The following RALYL variants were observed in gnomAD, a reference collection of about 807,000 sequenced individuals.
The protein encoded by RALYL is RALY RNA binding protein like.
RALYL carries 29 observed loss-of-function variants against 35.1 expected under a neutral mutation model. The observed-to-expected ratio is 0.83, with a 90% CI of 0.61 to 1.13. The LOEUF (loss-of-function observed/expected upper bound fraction) is 1.13. Among genes scored for constraint, RALYL ranks in the 50% most tolerant of loss-of-function variants. The pLI is 0.00. For missense variants in RALYL, 359 were observed against 360.4 expected (o/e 1.00, Z 0.03); for synonymous variants, 120 against 127.6 (o/e 0.94, Z 0.40).
At chr8:84,197,899 C>A (rs116517067) in intron 1 of RALYL, among the ~76,000 whole-genome samples, 2 of 151,944 alleles carry the variant, frequency 1.3e-5, no homozygotes, top group South Asian at 4.1e-4. Flanking sequence ...TCCCATTAGG[C>A]GATAGCTTTA....
At chr8:84,404,386 T>C (rs1049682715) in intron 1 of RALYL, among the ~76,000 whole-genome samples, 1 of 151,850 alleles carries the variant, frequency 6.6e-6, no homozygotes, top group Admixed American at 6.6e-5. Context: ...CATGAAGGAG[T>C]GTTGAATTTT....
At chr8:84,259,797 A>G (rs1699943210) in intron 1 of RALYL, among the ~76,000 whole-genome samples, 1 of 152,158 alleles carries the variant, frequency 6.6e-6, no homozygotes, top group Non-Finnish European at 1.5e-5. Context: ...CTTAGTGCCT[A>G]AAAAAAGCAG....
chr8:84,224,066 G>A (rs903465899), intron 1 of RALYL, among the ~76,000 whole-genome samples: 2 of 152,032 alleles, frequency 1.3e-5, no homozygotes, highest in Admixed American at 1.3e-4. Flanking sequence ...CAATCCTTCT[G>A]TTTCTCTAAT....
At position 84,529,396 on chromosome 8, in the gene RALYL, C is replaced by A. The variant is rs766629532; in HGVS notation, c.75C>A (p.Ile25=). Residue 25 remains isoleucine (I), a synonymous_variant, in exon 2 of 9, where the codon ATC becomes ATA. Transcript: ENST00000521268. ...DPKSINSRVF[I]GNLNTAIVKK... is the part of the protein sequence containing the mutation. ...AGTCCATCAACTCCCGTGTTTTCATCGGCAATCTAAATACGGCAATTGTCA... is the reference window on the plus strand; with the variant it reads ...AGTCCATCAACTCCCGTGTTTTCATAGGCAATCTAAATACGGCAATTGTCA... The A allele has an allele frequency of 6.2e-7, 1 of 1,611,474 alleles. No individual in the cohort carries two copies. Among genetic ancestry groups the A allele is most frequent in the Admixed American group, 1.7e-5 (1 of 59,614 alleles).
chr8:84,807,539 G>T (rs1196195707), intron 4 of RALYL, among the ~76,000 whole-genome samples: 2 of 152,172 alleles, frequency 1.3e-5, no homozygotes, highest in Non-Finnish European at 2.9e-5. Flanking sequence ...CCCAGAGTGG[G>T]ATTGCTGGAT....
At chr8:84,748,628 A>G (rs1446881414) in intron 2 of RALYL, among the ~76,000 whole-genome samples, 1 of 152,082 alleles carries the variant, frequency 6.6e-6, no homozygotes, top group Non-Finnish European at 1.5e-5. Flanking sequence ...TTATCATGCT[A>G]CCTGAATGAT....
intron 2 of RALYL, among the ~76,000 whole-genome samples, chr8:84,565,107 T>A (rs768637873): frequency 6.6e-6 from 1 of 151,598 alleles, no homozygotes; most frequent in African/African-American, 2.4e-5. Context: ...TTTATCCACC[T>A]TCTGGTGACC....
At chr8:84,339,820 G>A (rs909602849) in intron 1 of RALYL, among the ~76,000 whole-genome samples, 2 of 152,016 alleles carry the variant, frequency 1.3e-5, no homozygotes, top group Admixed American at 6.6e-5. Context: ...AACTTAGTAC[G>A]AAATCTAGTG....
chr8:84,478,274 A>G (rs1272739614), intron 1 of RALYL, among the ~76,000 whole-genome samples: 1 of 152,180 alleles, frequency 6.6e-6, no homozygotes, highest in Non-Finnish European at 1.5e-5. Flanking sequence ...TACTAAGACC[A>G]CAAATACAAC....
intron 1 of RALYL, among the ~76,000 whole-genome samples, chr8:84,481,901 T>C (rs906805805): frequency 1.3e-5 from 2 of 152,152 alleles, no homozygotes; most frequent in Non-Finnish European, 2.9e-5. Context: ...GGTATAGATA[T>C]ATACAATTAT....
chr8:84,786,858 C>T (rs1819606643), intron 3 of RALYL, among the ~76,000 whole-genome samples: 1 of 152,040 alleles, frequency 6.6e-6, no homozygotes, highest in South Asian at 2.1e-4. Context: ...TCAATTTTGG[C>T]TTTTGCTGTG....
chr8:84,298,876 A>G (rs1343815835), intron 1 of RALYL, among the ~76,000 whole-genome samples: 1 of 152,030 alleles, frequency 6.6e-6, no homozygotes, highest in African/African-American at 2.4e-5. Context: ...TTACTGGTGT[A>G]TAGAAATACT....
intron 1 of RALYL, among the ~76,000 whole-genome samples, chr8:84,305,158 A>G (rs2132428341): frequency 6.6e-6 from 1 of 152,300 alleles, no homozygotes; most frequent in South Asian, 2.1e-4. Context: ...TCAATTATTC[A>G]TTCTTTCATC....
intron 2 of RALYL, among the ~76,000 whole-genome samples, chr8:84,561,554 G>A (rs2061471475): frequency 6.6e-6 from 1 of 151,812 alleles, no homozygotes; most frequent in Non-Finnish European, 1.5e-5. Flanking sequence ...TATAAATTAG[G>A]CACAGTAAGA....
At chr8:84,463,035 C>T (rs888674226) in intron 1 of RALYL, among the ~76,000 whole-genome samples, 2 of 151,878 alleles carry the variant, frequency 1.3e-5, no homozygotes, top group African/African-American at 4.8e-5. Context: ...CCTGGTTCAT[C>T]CTTTTGAGAA....
chr8:84,359,278 T>C (rs1355531633), intron 1 of RALYL, among the ~76,000 whole-genome samples: 4 of 151,696 alleles, frequency 2.6e-5, no homozygotes, highest in African/African-American at 7.3e-5. Context: ...TTTTCATTAT[T>C]GAATGCTATT....
intron 2 of RALYL, among the ~76,000 whole-genome samples, chr8:84,715,855 A>T (rs1413448282): frequency 2.0e-5 from 3 of 152,130 alleles, no homozygotes; most frequent in Non-Finnish European, 4.4e-5. Context: ...ATAGGAAAAC[A>T]TTATATGTGT....
At chr8:84,849,109 G>A (rs571673969) in intron 4 of RALYL, among the ~76,000 whole-genome samples, 15 of 152,284 alleles carry the variant, frequency 9.9e-5, no homozygotes, top group African/African-American at 2.4e-4. Context: ...AAAGTGCTTC[G>A]TAAATTCAAA....
intron 1 of RALYL, among the ~76,000 whole-genome samples, chr8:84,336,477 G>A (rs1181925358): frequency 1.3e-5 from 2 of 152,078 alleles, no homozygotes; most frequent in East Asian, 1.9e-4. Flanking sequence ...TGGAAGGATA[G>A]CTATTAACAC....
Sources: allele counts gnomAD v4.1 joint callset (sites outside exome capture counted in the v4.1 genomes callset), GRCh38; gene constraint gnomAD v4.1.1; transcripts MANE v1.5; gene names NCBI Gene and HGNC (gene_info 2026-07-23, HGNC 2026-07-21).